The following GPR39 variants were observed in gnomAD, a reference collection of about 807,000 sequenced individuals.
The protein encoded by GPR39 is G protein-coupled receptor 39.
Under a neutral mutation model 18.4 loss-of-function variants are expected in GPR39, and 23 were observed. The observed-to-expected ratio is 1.25, with a 90% CI of 0.90 to 1.77. The LOEUF is 1.77. GPR39 is among the 40% of genes most tolerant of loss of function. The pLI, the probability that GPR39 is intolerant of heterozygous loss-of-function variation, is 0.00. For synonymous variants in GPR39, 280 were observed against 257.9 expected, an observed-to-expected ratio of 1.09 and a Z score of -0.82; for missense variants, 647 against 602.4, an observed-to-expected ratio of 1.07 and a Z score of -0.78.
At chr2:132,612,009 A>G in intron 1 of GPR39, among the ~76,000 whole-genome samples, 1 of 152,310 alleles carries the variant, frequency 6.6e-6, no homozygotes. Flanking sequence ...TTCAGCGTGC[A>G]TTTATCTTTG....
chr2:132,452,653 G>T (rs772791758), intron 1 of GPR39, among the ~76,000 whole-genome samples: 1 of 137,906 alleles, frequency 7.3e-6, no homozygotes. Context: ...ATAGGCCCCA[G>T]TGTTTGATGT....
At position 132,494,635 on chromosome 2, in the gene GPR39, G is replaced by A. The variant is rs143840314; in HGVS notation, c.856+76737G>A. Among the ~76,000 whole-genome samples, 346 of 152,204 alleles carry A rather than the reference G, an allele frequency of 2.3e-3. 1 individual carries two copies. Among genetic ancestry groups the A allele is most frequent in the African/African-American group, 8.2e-3 (341 of 41,524 alleles). ...CTCTGATTATGCTTTTCTCTATGCT[G>A]TGGTCACAGAAATGGAGTCAAATTT... On this transcript the variant is annotated intron_variant, in intron 1 of 1. Transcript: ENST00000329321.
chr2:132,462,286 A>T (rs978384401), intron 1 of GPR39, among the ~76,000 whole-genome samples: 1 of 152,230 alleles, frequency 6.6e-6, no homozygotes, highest in Non-Finnish European at 1.5e-5. Context: ...GCCTTGTAGT[A>T]TCAAGAGGTT....
intron 1 of GPR39, among the ~76,000 whole-genome samples, chr2:132,419,819 G>T (rs962871061): frequency 6.6e-6 from 1 of 152,104 alleles, no homozygotes; most frequent in Non-Finnish European, 1.5e-5. Flanking sequence ...TGGTCTTCAA[G>T]TATCTCCCAG....
chr2:132,489,055 G>A, intron 1 of GPR39: 1 of 194,408 alleles, frequency 5.1e-6, no homozygotes, highest in South Asian at 1.1e-4. Context: ...TTCCACCAGG[G>A]CCTGTGACAC....
At chr2:132,451,172 T>C (rs564109825) in intron 1 of GPR39, among the ~76,000 whole-genome samples, 13 of 140,698 alleles carry the variant, frequency 9.2e-5, no homozygotes, top group African/African-American at 2.7e-4. Context: ...TGTGTGTGTG[T>C]GTGCACGCGC....
In GPR39 at chr2:132,584,072, G is replaced by C. The variant is rs183364567; in HGVS notation, c.857-61029G>C. On this transcript the variant is annotated intron_variant, in intron 1 of 1. Transcript: ENST00000329321. ...TTGCTGCAGGTAGGAAGTTTTTTGA[G>C]GGGTGGGGTAGGGATTTGAATTTTA... Among the ~76,000 whole-genome samples the C allele has an allele frequency of 2.0e-5, 3 of 152,168 alleles. No homozygotes were observed. The East Asian group carries it at 5.8e-4, about 30-fold the overall frequency.
At position 132,645,335 on chromosome 2, in the gene GPR39, C is replaced by T. The variant is rs761449400; in HGVS notation, c.1091C>T (p.Ser364Leu). Reference protein sequence around the residue: ...VFVQVLCCRLSLQHANHEKRL... With the variant: ...VFVQVLCCRLLLQHANHEKRL... ...GTGCAGGTGCTGTGCTGCCGCCTGT[C>T]GCTGCAGCACGCCAACCACGAGAAG... The change falls in exon 2 of 2, where the codon TCG becomes TTG. Residue 364 changes from serine (S) to leucine (L), a missense_variant. Ser to Leu is a moderately radical substitution (Grantham distance 145). Coordinates refer to ENST00000329321, the MANE Select transcript of GPR39 (RefSeq NM_001508.3). 9 of 1,614,170 alleles carry T rather than the reference C, an allele frequency of 5.6e-6. No homozygotes were observed. The highest frequency in any genetic ancestry group is 7.6e-6 in the Non-Finnish European group (9 of 1,180,040).
chr2:132,605,737 C>G (rs1252213052), intron 1 of GPR39, among the ~76,000 whole-genome samples: 1 of 152,150 alleles, frequency 6.6e-6, no homozygotes, highest in African/African-American at 2.4e-5. Context: ...TTAAGAATCC[C>G]TGAGGGGTGT....
At position 132,632,546 on chromosome 2, in the gene GPR39, G is replaced by A. The variant is rs541509688; in HGVS notation, c.857-12555G>A. ...GCTTTCCAGACAAAGCAGCTGGCTG[G>A]GGCTGTGTGTTTCGGTGCATGAACT... On this transcript the variant is annotated intron_variant, in intron 1 of 1. Transcript: ENST00000329321. 4.6e-5 allele frequency among the ~76,000 whole-genome samples: 7 copies of A among 152,216 alleles called. No homozygotes were observed. The South Asian group carries it at 1.2e-3, about 27-fold the overall frequency.
chr2:132,489,661 T>A (rs1681419266), intron 1 of GPR39, among the ~76,000 whole-genome samples: 1 of 151,970 alleles, frequency 6.6e-6, no homozygotes, highest in Admixed American at 6.6e-5. Context: ...GTATGATCAG[T>A]TAAATAAGAG....
intron 1 of GPR39, among the ~76,000 whole-genome samples, chr2:132,537,837 G>A (rs1369580723): frequency 2.6e-5 from 4 of 151,464 alleles, no homozygotes; most frequent in Admixed American, 6.6e-5. Context: ...TGATCGATTC[G>A]ACTATTGATT....
chr2:132,467,245 A>G (rs1377072962), intron 1 of GPR39, among the ~76,000 whole-genome samples: 1 of 152,194 alleles, frequency 6.6e-6, no homozygotes, highest in Admixed American at 6.5e-5. Flanking sequence ...GGGGCAATCA[A>G]AAGCTGCAGA....
At chr2:132,528,598 C>A (rs1679553728) in intron 1 of GPR39, among the ~76,000 whole-genome samples, 2 of 152,036 alleles carry the variant, frequency 1.3e-5, no homozygotes, top group Admixed American at 6.5e-5. Flanking sequence ...CATTTCCATG[C>A]ACTGATTTTC....
Position 132,463,889 on chromosome 2 carries a change from G to GT in GPR39, c.856+45992dup, listed in dbSNP as rs564412612. Among the ~76,000 whole-genome samples, 4 of 152,316 alleles carry GT rather than the reference G, an allele frequency of 2.6e-5. No homozygotes were observed. In the South Asian group the frequency reaches 6.2e-4, roughly 24 times the overall value. ...GGCTCATTCACTTGTTTGCAAGTTG[G>GT]TGCAGGCTGCAGGCTTGGACATTTT... On this transcript the variant is annotated intron_variant, in intron 1 of 1. Transcript: ENST00000329321.
intron 1 of GPR39, among the ~76,000 whole-genome samples, chr2:132,587,586 C>T (rs557638003): frequency 7.9e-5 from 12 of 152,164 alleles, no homozygotes; most frequent in East Asian, 7.7e-4. Context: ...GGCTGGAATG[C>T]GGTAGTGCGA....
At chr2:132,459,392 T>G (rs561019081) in intron 1 of GPR39, among the ~76,000 whole-genome samples, 4 of 152,342 alleles carry the variant, frequency 2.6e-5, no homozygotes, top group African/African-American at 9.6e-5. Flanking sequence ...TCTTTTCTCG[T>G]TCTCTCCCTC....
At chr2:132,508,031 C>G (rs1213192791) in intron 1 of GPR39, among the ~76,000 whole-genome samples, 1 of 152,174 alleles carries the variant, frequency 6.6e-6, no homozygotes, top group Non-Finnish European at 1.5e-5. Context: ...AAATCCTTCT[C>G]TGATAACATA....
intron 1 of GPR39, among the ~76,000 whole-genome samples, chr2:132,447,563 A>C (rs72999267): frequency 1.5e-3 from 228 of 152,308 alleles, no homozygotes; most frequent in African/African-American, 4.7e-3. Context: ...CTATTATAAC[A>C]ATTAACTGAA....
Sources: allele counts gnomAD v4.1 joint callset (sites outside exome capture counted in the v4.1 genomes callset), GRCh38; gene constraint gnomAD v4.1.1; transcripts MANE v1.5; gene names NCBI Gene and HGNC (gene_info 2026-07-23, HGNC 2026-07-21).